CSRP2: variants seen among roughly 807,000 people sequenced by gnomAD.
CSRP2 encodes cysteine and glycine rich protein 2.
A neutral mutation model predicts 24.6 loss-of-function variants in CSRP2; 18 were observed. The ratio of observed to expected loss-of-function variants is 0.73; its 90% CI spans 0.51 to 1.09. The LOEUF (loss-of-function observed/expected upper bound fraction) is 1.09, where lower values mean the gene tolerates loss of function less well. Ranked by LOEUF, CSRP2 falls within the 50% of genes least tolerant of loss-of-function variation. The probability of loss-of-function intolerance (pLI) is 0.00; values close to 1 mark genes in which losing one functional copy is unlikely to be tolerated. For synonymous variants in CSRP2, 87 were observed against 84.3 expected (o/e 1.03, Z -0.18); for missense variants, 215 against 239.4 (o/e 0.90, Z 0.67).
intron 1 of CSRP2, among the ~76,000 whole-genome samples, chr12:76,875,561 G>A (rs769297045): frequency 5.9e-5 from 9 of 152,120 alleles, no homozygotes; most frequent in Non-Finnish European, 8.8e-5. Context: ...ATATTTGCAC[G>A]ATTTTTTCAT....
At chr12:76,876,764 C>T (rs1291174166) in intron 1 of CSRP2, among the ~76,000 whole-genome samples, 1 of 152,196 alleles carries the variant, frequency 6.6e-6, no homozygotes, top group African/African-American at 2.4e-5. Context: ...GTCTAGGAAA[C>T]GCTCTTCAGG....
chr12:76,859,635 CCAGGGCTG>C lies in CSRP2; in HGVS notation c.412-3_416del. ...TTGCACATCGGAAACAGTTTTTGTG[CCAGGGCTG>C]GAAGAGATGAATGTGTCAGCATGTT... On this transcript the variant is annotated splice_acceptor_variant and splice_polypyrimidine_tract_variant and coding_sequence_variant and intron_variant, in exon 5 of 6. Coordinates refer to ENST00000311083, the MANE Select transcript of CSRP2 (RefSeq NM_001321.3). LOFTEE classifies it high-confidence loss of function. 1 of 1,610,516 alleles carries C rather than the reference CCAGGGCTG, an allele frequency of 6.2e-7. No individual in the cohort carries two copies. The highest frequency in any genetic ancestry group is 8.5e-7 in the Non-Finnish European group (1 of 1,178,884).
chr12:76,867,789 G>C (rs1019505466), intron 1 of CSRP2, among the ~76,000 whole-genome samples: 1 of 152,108 alleles, frequency 6.6e-6, no homozygotes, highest in Non-Finnish European at 1.5e-5. Flanking sequence ...AACCTGGCTA[G>C]AAAGAGAAGG....
chr12:76,860,171 A>T, intron 4 of CSRP2, 113 bp downstream of exon 4: 1 of 1,160,342 alleles, frequency 8.6e-7, no homozygotes, highest in Non-Finnish European at 1.2e-6. Context: ...GAAAAGTTTC[A>T]TATAAGACAG....
chr12:76,869,976 A>G (rs1953780937), intron 1 of CSRP2, among the ~76,000 whole-genome samples: 1 of 152,160 alleles, frequency 6.6e-6, no homozygotes, highest in Non-Finnish European at 1.5e-5. Flanking sequence ...GATGCAACAG[A>G]CATCTGCTGG....
At chr12:76,867,255 G>A (rs1372324141) in intron 1 of CSRP2, among the ~76,000 whole-genome samples, 13 of 150,952 alleles carry the variant, frequency 8.6e-5, no homozygotes, top group South Asian at 2.1e-4. Flanking sequence ...TTCGGAGGCC[G>A]AGGTGGGTGG....
intron 5 of CSRP2, 22 bp downstream of exon 5, chr12:76,859,525 C>A (rs765420263): frequency 6.7e-7 from 1 of 1,489,448 alleles, no homozygotes. Context: ...ATATGGACAG[C>A]AGTAACTGAA....
intron 1 of CSRP2, among the ~76,000 whole-genome samples, chr12:76,875,504 C>A (rs1207838455): frequency 6.6e-6 from 1 of 152,170 alleles, no homozygotes; most frequent in Non-Finnish European, 1.5e-5. Flanking sequence ...CATAGCAATC[C>A]ACAATCTGTG....
chr12:76,870,569 C>T (rs1953786555), intron 1 of CSRP2, among the ~76,000 whole-genome samples: 1 of 152,170 alleles, frequency 6.6e-6, no homozygotes, highest in Admixed American at 6.5e-5. Context: ...AGAGTATTTG[C>T]ATATATCAAA....
At chr12:76,872,490 G>A (rs1953809903) in intron 1 of CSRP2, among the ~76,000 whole-genome samples, 1 of 152,226 alleles carries the variant, frequency 6.6e-6, no homozygotes, top group African/African-American at 2.4e-5. Flanking sequence ...ATATGCAAAT[G>A]CAGGCCATGT....
chr12:76,858,785 T>TAAGG lies in CSRP2; in HGVS notation c.*166_*167insCCTT. 4.0e-6 allele frequency: 2 copies of TAAGG among 505,162 alleles called. No homozygotes were observed. Among genetic ancestry groups the TAAGG allele is most frequent in the South Asian group, 7.7e-5 (2 of 25,810 alleles). 31.3% of individuals were successfully genotyped at this position (505,162 alleles called of 1,614,324 possible). A position where few individuals can be genotyped will look rare whatever the true frequency, so the allele number is the denominator to read the frequency against. ...AATGCTGGTGAATAAAGCAAAAGGA[T>TAAGG]ACCATACAGTGCTCTCTTCCTACGA... On this transcript the variant is annotated 3_prime_UTR_variant, in exon 6 of 6. Coordinates refer to ENST00000311083, the MANE Select transcript of CSRP2 (RefSeq NM_001321.3).
At chr12:76,874,434 C>T (rs1466563087) in intron 1 of CSRP2, among the ~76,000 whole-genome samples, 1 of 152,168 alleles carries the variant, frequency 6.6e-6, no homozygotes, top group Admixed American at 6.5e-5. Context: ...TCAGAGGTAA[C>T]TTGGAAATGG....
At chr12:76,860,547 CAG>C (rs754382117) in intron 3 of CSRP2, 134 bp from the exon 4 acceptor site, 24 of 999,204 alleles carry the variant, frequency 2.4e-5, no homozygotes, top group Non-Finnish European at 3.2e-5. Context: ...CAGGCCAGCA[CAG>C]GGGAGGGAAT....
intron 3 of CSRP2, chr12:76,862,718 A>G: frequency 7.7e-7 from 1 of 1,294,422 alleles, no homozygotes; most frequent in African/African-American, 1.5e-5. Context: ...TTCCATTTTT[A>G]AGTAAAAAAT....
rs540022976 is a variant in CSRP2 at position 76,871,657 on chromosome 12, G to A, written c.-1-5396C>T. Among the ~76,000 whole-genome samples, 47 of 151,978 alleles carry A rather than the reference G, an allele frequency of 3.1e-4. 1 individual carries two copies. The highest frequency in any genetic ancestry group is 1.0e-3 in the African/African-American group (43 of 41,438). On this transcript the variant is annotated intron_variant, in intron 1 of 5. Coordinates refer to ENST00000311083, the MANE Select transcript of CSRP2 (RefSeq NM_001321.3). ...CAGGTGCCTGTAGTCCCAGCTACTC[G>A]GGAGGCTGAGGCAGGAGAATGGCGT... is the stretch of plus-strand genomic sequence containing the variant.
intron 1 of CSRP2, among the ~76,000 whole-genome samples, chr12:76,871,798 A>C (rs1159926716): frequency 6.6e-6 from 1 of 152,084 alleles, no homozygotes; most frequent in Non-Finnish European, 1.5e-5. Flanking sequence ...ACGAAGTTCA[A>C]ATTTGCACTT....
intron 1 of CSRP2, among the ~76,000 whole-genome samples, chr12:76,867,321 T>C (rs1457766371): frequency 1.5e-5 from 2 of 129,574 alleles, no homozygotes; most frequent in African/African-American, 3.0e-5. Flanking sequence ...AAACCCCGTC[T>C]CTGCTAAATT....
intron 1 of CSRP2, among the ~76,000 whole-genome samples, chr12:76,872,226 T>C (rs1953806916): frequency 6.6e-6 from 1 of 152,246 alleles, no homozygotes; most frequent in African/African-American, 2.4e-5. Flanking sequence ...TTCTCCTTGC[T>C]ACCTCTTCTT....
chr12:76,860,708 C>CCTG, intron 3 of CSRP2: 1 of 234,952 alleles, frequency 4.3e-6, no homozygotes, highest in East Asian at 8.2e-5. Context: ...CAGTGTTGGC[C>CCTG]TCTCCACTAA....
Sources: gnomAD v4.1 joint callset for allele counts (sites outside exome capture counted in the v4.1 genomes callset) on GRCh38, gnomAD v4.1.1 for gene constraint, MANE v1.5 for transcripts, NCBI Gene and HGNC (gene_info 2026-07-23, HGNC 2026-07-21) for gene names.